The following OPA1 variants were observed in gnomAD, a reference collection of about 807,000 sequenced individuals.
OPA1 encodes the protein OPA1 mitochondrial dynamin like GTPase.
Under a neutral mutation model 152.9 loss-of-function variants are expected in OPA1, and 59 were observed. The observed-to-expected ratio is 0.39, with a 90% CI of 0.31 to 0.48. The LOEUF (loss-of-function observed/expected upper bound fraction) is 0.48. OPA1 is among the 20% of genes least tolerant of loss of function. The pLI is 0.96. For missense variants in OPA1, 1,008 were observed against 1,216.8 expected (o/e 0.83, Z 2.55); for synonymous variants, 400 against 389.9 (o/e 1.03, Z -0.31).
chr3:193,669,604 C>G (rs371434284), intron 29 of OPA1, among the ~76,000 whole-genome samples: 1 of 152,080 alleles, frequency 6.6e-6, no homozygotes, highest in African/African-American at 2.4e-5. Context: ...AAATTAGTAC[C>G]GTTACAGGAA....
rs1714038015 is a variant in OPA1 at position 193,657,099 on chromosome 3, A to G, written c.2198A>G (p.Gln733Arg). 1 of 1,613,488 alleles carries G rather than the reference A, an allele frequency of 6.2e-7. No homozygotes were observed. Among genetic ancestry groups the G allele is most frequent in the Non-Finnish European group, 8.5e-7 (1 of 1,179,808 alleles). Reference sequence around the variant, plus strand: ...TTATAGGTTGCTTGGGAGACCCTACAAGAAGAATTTTCCCGCTTTATGACA... The same window carrying G: ...TTATAGGTTGCTTGGGAGACCCTACGAGAAGAATTTTCCCGCTTTATGACA... ...KAVEVAWETLQEEFSRFMTEP... is the reference protein window; with the variant it reads ...KAVEVAWETLREEFSRFMTEP... The change falls in exon 23 of 31, where the codon CAA becomes CGA. Residue 733 changes from glutamine to arginine, a missense_variant. Transcript: ENST00000361510.
rs765277368 is a variant in OPA1, at chr3:193,648,766, TCTTA to T, written c.1936-21_1936-18del. 5.2e-5 allele frequency: 73 copies of T among 1,417,336 alleles called. No homozygotes were observed. In the Middle Eastern group the frequency reaches 5.3e-4, roughly 10 times the overall value. The allele number at this position is 1,417,336 out of a possible 1,614,324, so 87.8% of individuals were successfully genotyped here. Reference sequence around the variant, plus strand: ...GGGTAAATTTACTGTCTTATGGAAATCTTACTTACTTGTATTTATATTGCCTAGA... The same window carrying T: ...GGGTAAATTTACTGTCTTATGGAAATCTTACTTGTATTTATATTGCCTAGA... On this transcript the variant is annotated intron_variant, in intron 20 of 30. Coordinates refer to ENST00000361510, the MANE Select transcript of OPA1 (RefSeq NM_130837.3).
At chr3:193,610,257 C>T (rs1340775797) in intron 1 of OPA1, among the ~76,000 whole-genome samples, 2 of 152,218 alleles carry the variant, frequency 1.3e-5, no homozygotes, top group Non-Finnish European at 2.9e-5. Flanking sequence ...TTCTAACAGT[C>T]AGGACCCTCA....
intron 29 of OPA1, among the ~76,000 whole-genome samples, chr3:193,676,860 A>G (rs554756894): frequency 4.6e-4 from 70 of 151,922 alleles, no homozygotes; most frequent in Admixed American, 4.6e-3. Context: ...GGGCGCCTGT[A>G]GTCCCAGCTG....
intron 6 of OPA1, among the ~76,000 whole-genome samples, chr3:193,623,734 T>G (rs1730568644): frequency 6.6e-6 from 1 of 152,230 alleles, no homozygotes; most frequent in African/African-American, 2.4e-5. Context: ...AAAATATTTA[T>G]TGAAAAATGT....
intron 4 of OPA1, 124 bp downstream of exon 4, chr3:193,617,409 A>T: frequency 1.5e-6 from 1 of 673,548 alleles, no homozygotes; most frequent in Non-Finnish European, 2.6e-6. Context: ...AAAACAGGAC[A>T]TTTTTTAAAA....
chr3:193,692,360 T>C (rs1044894920), intron 30 of OPA1, among the ~76,000 whole-genome samples: 6 of 152,214 alleles, frequency 3.9e-5, no homozygotes, highest in Admixed American at 1.3e-4. Flanking sequence ...TCATTTTGAA[T>C]AGAACAAAGG....
intron 21 of OPA1, among the ~76,000 whole-genome samples, chr3:193,653,437 G>T (rs958186525): frequency 6.6e-6 from 1 of 152,046 alleles, no homozygotes; most frequent in African/African-American, 2.4e-5. Flanking sequence ...TATCCTAAAG[G>T]GTTGAGATTA....
In OPA1 at chr3:193,610,655, A is replaced by C. The variant is rs576027759; in HGVS notation, c.33-4068A>C. On this transcript the variant is annotated intron_variant, in intron 1 of 30. Transcript: ENST00000361510. ...AGAGGTGGAGTCTACAGAGGAAGGCAGGCCTCCTTGAGCTGCAGTGGGCTC... is the reference window on the plus strand; with the variant it reads ...AGAGGTGGAGTCTACAGAGGAAGGCCGGCCTCCTTGAGCTGCAGTGGGCTC... Among the ~76,000 whole-genome samples, 45 of 152,348 alleles carry C rather than the reference A, an allele frequency of 3.0e-4. No homozygotes were observed. In the South Asian group the frequency reaches 8.9e-3, roughly 30 times the overall value.
chr3:193,614,778 C>T lies in OPA1; in HGVS notation c.88C>T (p.Leu30=), dbSNP rs185976555. The change falls in exon 2 of 31, where the codon CTA becomes TTA. Residue 30 remains leucine (L), a synonymous_variant. Transcript: ENST00000361510. ...HSSGIKGSLP[L]QKLHLVSRSI... ...CTCTGGAATAAAAGGAAGTTTACCA[C>T]TACAAAAACTACATCTGGTTTCACG... 2.0e-4 allele frequency: 315 copies of T among 1,614,096 alleles called. No individual in the cohort carries two copies. The highest frequency in any genetic ancestry group is 6.2e-4 in the Admixed American group (37 of 60,022).
chr3:193,669,584 A>G (rs1717469591), intron 29 of OPA1, among the ~76,000 whole-genome samples: 1 of 152,194 alleles, frequency 6.6e-6, no homozygotes, highest in South Asian at 2.1e-4. Flanking sequence ...CTGGTTCATA[A>G]TTTCATGCTA....
intron 6 of OPA1, among the ~76,000 whole-genome samples, chr3:193,625,650 A>G (rs1730984449): frequency 6.6e-6 from 1 of 152,138 alleles, no homozygotes; most frequent in South Asian, 2.1e-4. Context: ...TAAATGAAAT[A>G]TCAAGAAAAA....
Position 193,659,547 on chromosome 3 carries a change from C to G in OPA1, c.2506C>G (p.Arg836Gly), listed in dbSNP as rs190235251. The G allele has an allele frequency of 5.6e-6, 9 of 1,610,986 alleles. No individual in the cohort carries two copies. Among genetic ancestry groups the G allele is most frequent in the Non-Finnish European group, 7.6e-6 (9 of 1,178,122 alleles). ...WKKRWLYWKN[R>G]TQEQCVHNET... ...AAAGAGGTGGTTATACTGGAAGAAT[C>G]GGACCCAAGAACAGGTAGAAATAAA... The change falls in exon 25 of 31, where the codon CGG becomes GGG. Residue 836 changes from arginine (R) to glycine (G), a missense_variant. Coordinates refer to ENST00000361510, the MANE Select transcript of OPA1 (RefSeq NM_130837.3).
At chr3:193,668,432 C>T (rs1373322671) in intron 29 of OPA1, 1 of 1,550,638 alleles carries the variant, frequency 6.4e-7, no homozygotes, top group Non-Finnish European at 8.7e-7. Context: ...TGCCAGGTTG[C>T]TCTTCGTCAT....
intron 1 of OPA1, among the ~76,000 whole-genome samples, chr3:193,609,596 T>C (rs918551503): frequency 6.6e-6 from 1 of 152,238 alleles, no homozygotes; most frequent in Non-Finnish European, 1.5e-5. Flanking sequence ...CCTTGCTAGA[T>C]TGGGGAAGTT....
intron 5 of OPA1, 143 bp from the exon 6 acceptor site, chr3:193,618,726 T>G: frequency 1.4e-6 from 1 of 703,772 alleles, no homozygotes; most frequent in Non-Finnish European, 2.5e-6. Context: ...TTCCTTAAAA[T>G]AAGAATAAAG....
At position 193,661,469 on chromosome 3, in the gene OPA1, C is replaced by G. The variant is rs572913512; in HGVS notation, c.2521-1353C>G. Among the ~76,000 whole-genome samples, 16 of 152,262 alleles carry G rather than the reference C, an allele frequency of 1.1e-4. No homozygotes were observed. The South Asian group carries it at 3.3e-3, about 32-fold the overall frequency. On this transcript the variant is annotated intron_variant, in intron 25 of 30. Coordinates refer to ENST00000361510, the MANE Select transcript of OPA1 (RefSeq NM_130837.3). Reference sequence around the variant, plus strand: ...AAGACAAGTGTTTTCAACCTCATACCTGGAGGTTACAGTGAGACATGGATT... The same window carrying G: ...AAGACAAGTGTTTTCAACCTCATACGTGGAGGTTACAGTGAGACATGGATT...
chr3:193,615,888 T>C, intron 3 of OPA1, 118 bp downstream of exon 3: 1 of 714,784 alleles, frequency 1.4e-6, no homozygotes, highest in African/African-American at 1.8e-5. Flanking sequence ...TTTAATGATA[T>C]AAGTAATAGA....
In OPA1 at chr3:193,696,444, T is replaced by C. The variant is rs1722257125; in HGVS notation, c.*1844T>C. 1 of 152,244 alleles carries C rather than the reference T, an allele frequency of 6.6e-6. No individual in the cohort carries two copies. The highest frequency in any genetic ancestry group is 1.5e-5 in the Non-Finnish European group (1 of 68,044). The allele number at this position is 152,244 out of a possible 1,614,324, so 9.4% of individuals were successfully genotyped here. On this transcript the variant is annotated 3_prime_UTR_variant, in exon 31 of 31. Coordinates refer to ENST00000361510, the MANE Select transcript of OPA1 (RefSeq NM_130837.3). ...AATAGATGATAACAATTAATATTAC[T>C]AAAAGTCCCACATGAGAGTCCTGAC...
Sources: allele counts gnomAD v4.1 joint callset (sites outside exome capture counted in the v4.1 genomes callset), GRCh38; gene constraint gnomAD v4.1.1; transcripts MANE v1.5; gene names NCBI Gene and HGNC (gene_info 2026-07-23, HGNC 2026-07-21).